CRAT: variants seen among roughly 807,000 people sequenced by gnomAD.
The protein encoded by CRAT is carnitine O-acetyltransferase, also known as carnitine acetylase.
CRAT carries 66 observed loss-of-function variants against 73.7 expected under a neutral mutation model. The ratio of observed to expected loss-of-function variants is 0.90; its 90% CI spans 0.73 to 1.10. The LOEUF (loss-of-function observed/expected upper bound fraction) is 1.10, where lower values mean the gene tolerates loss of function less well. CRAT is among the 50% of genes least tolerant of loss of function. The pLI is 0.00. For synonymous variants in CRAT, 321 were observed against 343.2 expected, an observed-to-expected ratio of 0.94 and a Z score of 0.71; for missense variants, 745 against 846.9, an observed-to-expected ratio of 0.88 and a Z score of 1.49.
chr9:129,102,659 C>T, intron 4 of CRAT, 94 bp from the exon 5 acceptor site: 2 of 1,410,340 alleles, frequency 1.4e-6, no homozygotes, highest in East Asian at 2.3e-5. Flanking sequence ...GCTGGGGGCT[C>T]ACACAGTGTC....
chr9:129,099,023 C>A (rs1847482424), intron 8 of CRAT, among the ~76,000 whole-genome samples: 1 of 151,348 alleles, frequency 6.6e-6, no homozygotes, highest in Non-Finnish European at 1.5e-5. Context: ...GTCACCCAGG[C>A]TGGAGCAATG....
rs770900300 is a variant in CRAT at position 129,097,298 on chromosome 9, C to T, written c.1479G>A (p.Val493=). Residue 493 remains valine (V), a synonymous_variant, in exon 12 of 14, where the codon GTG becomes GTA. Transcript: ENST00000318080. ...DDSSVTEHQK[V]ELLRKAVQAH... ...CCTGCACGGCCTTCCGCAGCAGCTC[C>T]ACCTTCTGGTGCTCCTAGAGTGGTG... The T allele has an allele frequency of 8.9e-6, 14 of 1,566,672 alleles. No homozygotes were observed. In the Admixed American group the frequency reaches 2.3e-4, roughly 26 times the overall value.
rs1847228431 is a variant in CRAT at position 129,095,551 on chromosome 9, A to T, written c.1727T>A (p.Val576Asp). The part of the protein sequence containing the change: ...FGPVVPDGYG[V>D]CYNPMEAHIN... ...GTGGGCCTCCATGGGGTTATAGCAG[A>T]CACCGTAGCCGTCGGGGACCACGGG... Residue 576 changes from valine (V) to aspartate (D), a missense_variant, in exon 14 of 14, where the codon GTC becomes GAC. Transcript: ENST00000318080. 1 of 1,613,328 alleles carries T rather than the reference A, an allele frequency of 6.2e-7. No homozygotes were observed. Among genetic ancestry groups the T allele is most frequent in the Non-Finnish European group, 8.5e-7 (1 of 1,180,000 alleles).
At position 129,095,995 on chromosome 9, in the gene CRAT, C is replaced by CA. The variant is rs1247361006; in HGVS notation, c.1665+2dup. On this transcript the variant is annotated splice_region_variant and intron_variant, in intron 13 of 13. Coordinates refer to ENST00000318080, the MANE Select transcript of CRAT (RefSeq NM_000755.5). The stretch of plus-strand genomic sequence containing the variant: ...CCCCGGGGCACCTGGGGCAGTGGCC[C>CA]ACCTGGCTGGTGGAGAGGTGGAAGT... 3 of 1,613,910 alleles carry CA rather than the reference C, an allele frequency of 1.9e-6. No homozygotes were observed. The highest frequency in any genetic ancestry group is 2.5e-6 in the Non-Finnish European group (3 of 1,180,006).
Position 129,098,039 on chromosome 9 carries a change from T to C in CRAT, c.1438A>G (p.Lys480Glu). ...GTGACGCTGGAGTCATCCATGGCCTTGACAAAGGTGAGTGAGTCCATGGAA... is the reference window on the plus strand; with the variant it reads ...GTGACGCTGGAGTCATCCATGGCCTCGACAAAGGTGAGTGAGTCCATGGAA... ...SASMDSLTFV[K>E]AMDDSSVTEH... The change falls in exon 11 of 14, where the codon AAG becomes GAG. Residue 480 changes from lysine (K) to glutamate (E), a missense_variant. By Grantham distance (56) the Lys-to-Glu change is moderately conservative. Transcript: ENST00000318080. 1 of 1,613,900 alleles carries C rather than the reference T, an allele frequency of 6.2e-7. No homozygotes were observed. The highest frequency in any genetic ancestry group is 1.1e-5 in the South Asian group (1 of 91,074).
chr9:129,105,695 C>G (rs1032201634), intron 2 of CRAT, among the ~76,000 whole-genome samples: 1 of 152,184 alleles, frequency 6.6e-6, no homozygotes, highest in Non-Finnish European at 1.5e-5. Flanking sequence ...TCAGAGCAGC[C>G]TGAGGAACCT....
chr9:129,095,158 C>G lies in CRAT; in HGVS notation c.*239G>C. On this transcript the variant is annotated 3_prime_UTR_variant, in exon 14 of 14. Coordinates refer to ENST00000318080, the MANE Select transcript of CRAT (RefSeq NM_000755.5). ...CGTGCCAGGGGCCCGGGCCTAACGT[C>G]CTGCTCAGCCTCTGCACTCAGCCCC... 1 of 576,936 alleles carries G rather than the reference C, an allele frequency of 1.7e-6. No individual in the cohort carries two copies. The highest frequency in any genetic ancestry group is 3.1e-6 in the Non-Finnish European group (1 of 324,576). The allele number at this position is 576,936 out of a possible 1,614,324, so 35.7% of individuals were successfully genotyped here.
intron 2 of CRAT, among the ~76,000 whole-genome samples, chr9:129,105,969 C>T (rs73672312): frequency 0.034 from 5,198 of 152,180 alleles, 300 homozygotes; most frequent in African/African-American, 0.12. Context: ...ACTGCAACAC[C>T]CACCCTTCCT....
chr9:129,100,702 T>C lies in CRAT; in HGVS notation c.806-13A>G, dbSNP rs1239338424. 1.2e-6 allele frequency: 2 copies of C among 1,610,512 alleles called. No individual in the cohort carries two copies. The highest frequency in any genetic ancestry group is 1.1e-5 in the South Asian group (1 of 90,740). On this transcript the variant is annotated splice_polypyrimidine_tract_variant and intron_variant, in intron 6 of 13. Transcript: ENST00000318080. ...CGGTTCACCTTGTCTGCAGGTGGCATGGGGCGGGGAGACGCAAAATGGGGT... is the reference window on the plus strand; with the variant it reads ...CGGTTCACCTTGTCTGCAGGTGGCACGGGGCGGGGAGACGCAAAATGGGGT...
chr9:129,097,401 C>A, intron 11 of CRAT, 89 bp from the exon 12 acceptor site: 1 of 1,049,564 alleles, frequency 9.5e-7, no homozygotes. Flanking sequence ...GCACTAGATT[C>A]TGAGCTCTTT....
rs1017806876 is a variant in CRAT, at chr9:129,107,375, A to G, written c.291+439T>C. On this transcript the variant is annotated intron_variant, in intron 2 of 13. Transcript: ENST00000318080. The surrounding 1 kb of genome is among the most constrained non-coding windows in gnomAD (Gnocchi z 5.0). ...GTATTGAAGTATGAGATGCAAATAGAAAAGCACACCAAACATTGGTGTAGA... is the reference window on the plus strand; with the variant it reads ...GTATTGAAGTATGAGATGCAAATAGGAAAGCACACCAAACATTGGTGTAGA... 6.3e-5 allele frequency: 34 copies of G among 538,946 alleles called. No individual in the cohort carries two copies. The highest frequency in any genetic ancestry group is 6.2e-4 in the African/African-American group (33 of 52,862). The allele number at this position is 538,946 out of a possible 1,614,324, so 33.4% of individuals were successfully genotyped here. A position where few individuals can be genotyped will look rare whatever the true frequency, so the allele number is the denominator to read the frequency against.
At chr9:129,097,728 A>G in intron 11 of CRAT, 1 of 437,532 alleles carries the variant, frequency 2.3e-6, no homozygotes, top group Non-Finnish European at 4.1e-6. Flanking sequence ...AAGAAAAAAA[A>G]AGAGCGAGTA....
chr9:129,101,796 C>A, intron 6 of CRAT, 87 bp downstream of exon 6: 3 of 1,455,056 alleles, frequency 2.1e-6, no homozygotes, highest in African/African-American at 2.8e-5. Context: ...CAGCAGACTT[C>A]GGGTACCCTA....
Position 129,102,296 on chromosome 9 carries a change from G to T in CRAT, c.630+104C>A, listed in dbSNP as rs17486136. The T allele has an allele frequency of 5.2e-4, 782 of 1,490,230 alleles. 2 individuals carry two copies. In the African/African-American group the frequency reaches 9.5e-3, roughly 18 times the overall value. 92.3% of individuals were successfully genotyped at this position (1,490,230 alleles called of 1,614,324 possible). On this transcript the variant is annotated intron_variant, in intron 5 of 13. Coordinates refer to ENST00000318080, the MANE Select transcript of CRAT (RefSeq NM_000755.5). ...AGGGGCGCCCATTCCTGGGGCACGT[G>T]GGCACGTGTGCTGGGGAACCCCAGT...
chr9:129,108,935 C>T (rs962294781), intron 1 of CRAT: 12 of 1,259,280 alleles, frequency 9.5e-6, no homozygotes, highest in East Asian at 5.6e-5. Context: ...CAAGATTCAG[C>T]GGGAGGCAGG....
chr9:129,100,695 G>T lies in CRAT; in HGVS notation c.806-6C>A. Reference sequence around the variant, plus strand: ...GGAATCCCGGTTCACCTTGTCTGCAGGTGGCATGGGGCGGGGAGACGCAAA... The same window carrying T: ...GGAATCCCGGTTCACCTTGTCTGCATGTGGCATGGGGCGGGGAGACGCAAA... On this transcript the variant is annotated splice_region_variant and splice_polypyrimidine_tract_variant and intron_variant, in intron 6 of 13. Transcript: ENST00000318080. The T allele has an allele frequency of 2.5e-6, 4 of 1,612,146 alleles. No homozygotes were observed. Among genetic ancestry groups the T allele is most frequent in the Non-Finnish European group, 3.4e-6 (4 of 1,178,744 alleles).
At chr9:129,105,583 A>G (rs1023167310) in intron 2 of CRAT, among the ~76,000 whole-genome samples, 19 of 151,988 alleles carry the variant, frequency 1.3e-4, no homozygotes, top group Non-Finnish European at 5.9e-5. Flanking sequence ...CAGCTTCCCA[A>G]AGTGCTGGGA....
In CRAT at chr9:129,103,840, C is replaced by T. The variant is rs1847833714; in HGVS notation, c.410+348G>A. Reference sequence around the variant, plus strand: ...AAGAGGACTGTGTACAGAGGTCACCCCTGTGGCTAGCTGAGAAGAGTGGAA... The same window carrying T: ...AAGAGGACTGTGTACAGAGGTCACCTCTGTGGCTAGCTGAGAAGAGTGGAA... On this transcript the variant is annotated intron_variant, in intron 3 of 13. Coordinates refer to ENST00000318080, the MANE Select transcript of CRAT (RefSeq NM_000755.5). The surrounding 1 kb of genome is among the most constrained non-coding windows in gnomAD (Gnocchi z 4.6). 6.6e-6 allele frequency among the ~76,000 whole-genome samples: 1 copy of T among 152,080 alleles called. No homozygotes were observed.
chr9:129,110,464 CG>C lies in CRAT; in HGVS notation c.27+18del. 1 of 1,576,928 alleles carries C rather than the reference CG, an allele frequency of 6.3e-7. No homozygotes were observed. Among genetic ancestry groups the C allele is most frequent in the African/African-American group, 1.4e-5 (1 of 72,460 alleles). ...CCAGGCCGTCCAGGGCCCTCAGGCC[CG>C]GGATCCGCCGCACTCACCACGGTCC... On this transcript the variant is annotated intron_variant, in intron 1 of 13. Coordinates refer to ENST00000318080, the MANE Select transcript of CRAT (RefSeq NM_000755.5). The surrounding 1 kb of genome is among the most constrained non-coding windows in gnomAD (Gnocchi z 5.3).
Sources: allele counts gnomAD v4.1 joint callset (sites outside exome capture counted in the v4.1 genomes callset), GRCh38; gene constraint gnomAD v4.1.1; non-coding constraint Gnocchi (gnomAD v3.1); transcripts MANE v1.5; gene names NCBI Gene and HGNC (gene_info 2026-07-23, HGNC 2026-07-21).